Variants in UNC79 observed in about 807,000 individuals in gnomAD.
UNC79 encodes the protein protein unc-79 homolog.
Under a neutral mutation model 283.1 loss-of-function variants are expected in UNC79, and 37 were observed. That is an observed-to-expected ratio of 0.13 (90% CI 0.10 to 0.17). The LOEUF is 0.17. Ranked by LOEUF, UNC79 falls within the 10% of genes least tolerant of loss-of-function variation. The probability of loss-of-function intolerance (pLI) is 1.00; values close to 1 mark genes in which losing one functional copy is unlikely to be tolerated. For synonymous variants in UNC79, 1,107 were observed against 1,200.2 expected (o/e 0.92, Z 1.61); for missense variants, 2,272 against 3,211.1 (o/e 0.71, Z 7.07).
chr14:93,338,038 C>T (rs1024112454), intron 1 of UNC79, among the ~76,000 whole-genome samples: 1 of 152,126 alleles, frequency 6.6e-6, no homozygotes, highest in Non-Finnish European at 1.5e-5. Context: ...CTCACATACC[C>T]CTCACTGCTC....
At chr14:93,463,192 G>A (rs2057023748) in intron 1 of UNC79, among the ~76,000 whole-genome samples, 1 of 152,122 alleles carries the variant, frequency 6.6e-6, no homozygotes, top group African/African-American at 2.4e-5. Context: ...TCAAGAAGGA[G>A]GGAGGGAGGG....
chr14:93,521,821 G>A (rs1297540593), intron 7 of UNC79, among the ~76,000 whole-genome samples: 2 of 146,650 alleles, frequency 1.4e-5, no homozygotes, highest in African/African-American at 5.1e-5. Flanking sequence ...CACAAGATAA[G>A]GTATGCTGAT....
chr14:93,381,569 C>A lies in UNC79; in HGVS notation c.-351+48046C>A, dbSNP rs2054666253. Among the ~76,000 whole-genome samples the A allele has an allele frequency of 2.0e-5, 3 of 152,184 alleles. No individual in the cohort carries two copies. In the South Asian group the frequency reaches 6.2e-4, roughly 31 times the overall value. On this transcript the variant is annotated intron_variant, in intron 1 of 49. Transcript: ENST00000256339. ...GTGCTACTGGTAGGCCAGATGAGGGCTTCTGGAGCAAGAGGAAGAGACAGA... is the reference window on the plus strand; with the variant it reads ...GTGCTACTGGTAGGCCAGATGAGGGATTCTGGAGCAAGAGGAAGAGACAGA...
chr14:93,405,090 C>T (rs979519056), intron 1 of UNC79, among the ~76,000 whole-genome samples: 4 of 152,018 alleles, frequency 2.6e-5, no homozygotes, highest in Admixed American at 2.6e-4. Context: ...CGAGACCCGC[C>T]TGGCCAACGT....
chr14:93,414,287 C>T (rs1337773693), intron 1 of UNC79, among the ~76,000 whole-genome samples: 1 of 152,164 alleles, frequency 6.6e-6, no homozygotes, highest in Non-Finnish European at 1.5e-5. Flanking sequence ...ATAGGGAATC[C>T]TTTCCCCATT....
At chr14:93,702,088 G>T (rs1272508336) in intron 47 of UNC79, among the ~76,000 whole-genome samples, 2 of 152,232 alleles carry the variant, frequency 1.3e-5, no homozygotes, top group Non-Finnish European at 2.9e-5. Flanking sequence ...AAAGTCTGTA[G>T]CATCAGCACC....
At chr14:93,377,790 G>A (rs1414108781) in intron 1 of UNC79, among the ~76,000 whole-genome samples, 1 of 152,172 alleles carries the variant, frequency 6.6e-6, no homozygotes, top group East Asian at 1.9e-4. Context: ...GCACGAAGAT[G>A]TGTATTGACC....
At chr14:93,528,524 A>G (rs17094893) in intron 8 of UNC79, 34 bp from the exon 9 acceptor site, 860,557 of 1,588,520 alleles carry the variant, frequency 0.54, 236,372 homozygotes, top group Admixed American at 0.64. Flanking sequence ...ACCCAGGAAC[A>G]GGAGAGTTCA....
intron 1 of UNC79, chr14:93,334,921 T>C (rs372634264): frequency 1.3e-4 from 20 of 152,242 alleles, no homozygotes; most frequent in African/African-American, 4.6e-4. Flanking sequence ...CACTGCTTCT[T>C]TATAATTTAT....
chr14:93,441,289 C>G (rs531381024), intron 1 of UNC79, among the ~76,000 whole-genome samples: 1 of 151,986 alleles, frequency 6.6e-6, no homozygotes, highest in South Asian at 2.1e-4. Context: ...ATATCTTTTG[C>G]CATCCTTTTA....
chr14:93,446,235 C>A (rs1817124942), intron 1 of UNC79, among the ~76,000 whole-genome samples: 2 of 152,018 alleles, frequency 1.3e-5, no homozygotes, highest in African/African-American at 4.8e-5. Flanking sequence ...AATCTTTCTT[C>A]TTTTCTAATA....
At chr14:93,588,901 AC>A (rs1450092583) in intron 22 of UNC79, among the ~76,000 whole-genome samples, 2 of 152,074 alleles carry the variant, frequency 1.3e-5, no homozygotes, top group Non-Finnish European at 2.9e-5. Flanking sequence ...CAGGAAGAAT[AC>A]CCTTTCCTTT....
At chr14:93,598,675 C>G (rs2065268494) in intron 24 of UNC79, among the ~76,000 whole-genome samples, 1 of 152,164 alleles carries the variant, frequency 6.6e-6, no homozygotes, top group Admixed American at 6.5e-5. Context: ...GCTTACGCCG[C>G]CACGCCTGGC....
intron 7 of UNC79, among the ~76,000 whole-genome samples, chr14:93,519,405 G>A (rs2060218130): frequency 6.6e-6 from 1 of 151,638 alleles, no homozygotes; most frequent in African/African-American, 2.4e-5. Context: ...TTATAATTTA[G>A]CTATGTTTTT....
chr14:93,425,985 A>G (rs182300873), upstream of UNC79, among the ~76,000 whole-genome samples: 1 of 152,054 alleles, frequency 6.6e-6, no homozygotes. Context: ...TTCCATTACT[A>G]TTTCCTATAG....
At chr14:93,522,956 G>T (rs2060390078) in intron 7 of UNC79, among the ~76,000 whole-genome samples, 1 of 152,092 alleles carries the variant, frequency 6.6e-6, no homozygotes, top group Non-Finnish European at 1.5e-5. Context: ...AATTAGCTCG[G>T]ATCATTAATA....
At chr14:93,616,393 G>C (rs1283029322) in intron 27 of UNC79, among the ~76,000 whole-genome samples, 2 of 143,822 alleles carry the variant, frequency 1.4e-5, no homozygotes, top group Non-Finnish European at 3.0e-5. Flanking sequence ...TTTGAGACAG[G>C]GTCTCACTCT....
At position 93,501,358 on chromosome 14, in the gene UNC79, AT is replaced by A. The variant is rs1047567641; in HGVS notation, c.898+4081del. Among the ~76,000 whole-genome samples the A allele has an allele frequency of 7.3e-5, 11 of 151,488 alleles. No homozygotes were observed. In the East Asian group the frequency reaches 7.8e-4, roughly 11 times the overall value. ...AAAATAAATTAAAAAAAAAAGCAAA[AT>A]TTTTTTTTAAAAAGGAAAATTTACT... On this transcript the variant is annotated intron_variant, in intron 7 of 48. Transcript: ENST00000555664.
intron 1 of UNC79, among the ~76,000 whole-genome samples, chr14:93,353,977 C>T (rs1164326363): frequency 6.6e-6 from 1 of 152,064 alleles, no homozygotes; most frequent in East Asian, 1.9e-4. Flanking sequence ...TGGAAAATAG[C>T]CATGGGACCT....
Sources: gnomAD v4.1 joint callset for allele counts (sites outside exome capture counted in the v4.1 genomes callset) on GRCh38, gnomAD v4.1.1 for gene constraint, MANE v1.5 for transcripts, NCBI Gene and HGNC (gene_info 2026-07-23, HGNC 2026-07-21) for gene names.